Variants in CBX5 observed in about 807,000 individuals in gnomAD.
The protein encoded by CBX5 is chromobox 5, also known as chromobox protein homolog 5.
CBX5 carries 7 observed loss-of-function variants against 20.7 expected under a neutral mutation model. The ratio of observed to expected loss-of-function variants is 0.34; its 90% CI spans 0.19 to 0.63. CBX5 has a LOEUF of 0.63. CBX5 is among the 30% of genes least tolerant of loss of function. CBX5 has a pLI of 0.75. For synonymous variants in CBX5, 78 were observed against 77.0 expected (o/e 1.01, Z -0.07); for missense variants, 110 against 224.1 (o/e 0.49, Z 3.25).
intron 4 of CBX5, among the ~76,000 whole-genome samples, chr12:54,245,276 G>T (rs1467633877): frequency 1.3e-5 from 2 of 151,956 alleles, no homozygotes; most frequent in Non-Finnish European, 2.9e-5. Flanking sequence ...CACCCAAAGT[G>T]TTGGGATTAC....
At chr12:54,276,070 G>A (rs1298360041) in intron 1 of CBX5, among the ~76,000 whole-genome samples, 1 of 150,820 alleles carries the variant, frequency 6.6e-6, no homozygotes. Flanking sequence ...TAAGCATTGT[G>A]AGACTTCACA....
Position 54,251,086 on chromosome 12 carries a change from G to A in CBX5, c.324+955C>T, listed in dbSNP as rs181858968. 4.0e-5 allele frequency among the ~76,000 whole-genome samples: 6 copies of A among 151,814 alleles called. No individual in the cohort carries two copies. In the East Asian group the frequency reaches 5.8e-4, roughly 15 times the overall value. Reference sequence around the variant, plus strand: ...GTGGAAGTTCCAGTGAGCCAAGATCGCACTATTGCACTCAAGCCTGGGTGA... The same window carrying A: ...GTGGAAGTTCCAGTGAGCCAAGATCACACTATTGCACTCAAGCCTGGGTGA... On this transcript the variant is annotated intron_variant, in intron 3 of 4. Coordinates refer to ENST00000209875, the MANE Select transcript of CBX5 (RefSeq NM_012117.3).
At position 54,234,835 on chromosome 12, in the gene CBX5, G is replaced by A. The variant is rs892286830; in HGVS notation, c.*6920C>T. The A allele has an allele frequency of 1.3e-5, 2 of 152,200 alleles. No homozygotes were observed. The highest frequency in any genetic ancestry group is 4.8e-5 in the African/African-American group (2 of 41,430). 9.4% of individuals were successfully genotyped at this position (152,200 alleles called of 1,614,324 possible). On this transcript the variant is annotated 3_prime_UTR_variant, in exon 5 of 5. Transcript: ENST00000209875. ...ATTTCTCTTGACAGAGGAGCAATAT[G>A]AGATGATGTTAGATGAAATGAGGAT...
rs997845081 is a variant in CBX5, at chr12:54,240,566, T to C, written c.*1189A>G. 7.9e-5 allele frequency: 12 copies of C among 151,848 alleles called. No individual in the cohort carries two copies. Among genetic ancestry groups the C allele is most frequent in the Non-Finnish European group, 1.5e-4 (10 of 67,950 alleles). 9.4% of individuals were successfully genotyped at this position (151,848 alleles called of 1,614,324 possible). A position where few individuals can be genotyped will look rare whatever the true frequency, so the allele number is the denominator to read the frequency against. ...TAAAAAATAAGATACAACTATAAGT[T>C]TGAGGGTAGAAAAAGGGAAGAGCAT... On this transcript the variant is annotated 3_prime_UTR_variant, in exon 5 of 5. Coordinates refer to ENST00000209875, the MANE Select transcript of CBX5 (RefSeq NM_012117.3).
chr12:54,244,730 A>G (rs1366176728), intron 4 of CBX5, among the ~76,000 whole-genome samples: 1 of 151,944 alleles, frequency 6.6e-6, no homozygotes, highest in African/African-American at 2.4e-5. Context: ...CTCTGTCTCA[A>G]AAAAAAAGAA....
chr12:54,268,088 G>C (rs545383872), intron 1 of CBX5, among the ~76,000 whole-genome samples: 2 of 152,274 alleles, frequency 1.3e-5, no homozygotes, highest in South Asian at 4.1e-4. Context: ...AGGTTACAGT[G>C]AACCAAGATT....
At position 54,252,040 on chromosome 12, in the gene CBX5, C is replaced by T; in HGVS notation, c.324+1G>A. ...TTGGGGAAAAGGGAAAGGAAGCTTA[C>T]CTCTCTCTTTTTTTTAGATTTGATG... On this transcript the variant is annotated splice_donor_variant, in intron 3 of 4. Coordinates refer to ENST00000209875, the MANE Select transcript of CBX5 (RefSeq NM_012117.3). LOFTEE classifies it high-confidence loss of function. 1 of 1,564,520 alleles carries T rather than the reference C, an allele frequency of 6.4e-7. No individual in the cohort carries two copies. The highest frequency in any genetic ancestry group is 2.3e-5 in the East Asian group (1 of 43,084).
At chr12:54,258,166 T>TTA (rs1284429104) in intron 1 of CBX5, 1 of 152,656 alleles carries the variant, frequency 6.6e-6, no homozygotes, top group Admixed American at 6.5e-5. Context: ...GCCCAGTCTC[T>TTA]TAGCAGCACA....
intron 4 of CBX5, among the ~76,000 whole-genome samples, chr12:54,244,996 A>T (rs1276854380): frequency 1.3e-5 from 2 of 150,898 alleles, no homozygotes; most frequent in East Asian, 1.9e-4. Flanking sequence ...GTCATGTTTT[A>T]TATATATATA....
chr12:54,264,030 G>A (rs1338042307), intron 1 of CBX5, among the ~76,000 whole-genome samples: 1 of 152,136 alleles, frequency 6.6e-6, no homozygotes, highest in Non-Finnish European at 1.5e-5. Context: ...GAGACAGCGT[G>A]AGACTCCGTC....
rs573309237 is a variant in CBX5, at chr12:54,245,241, C to A, written c.425+874G>T. Among the ~76,000 whole-genome samples the A allele has an allele frequency of 2.2e-3, 338 of 152,022 alleles. 4 individuals carry two copies. The highest frequency in any genetic ancestry group is 8.0e-3 in the African/African-American group (333 of 41,520). On this transcript the variant is annotated intron_variant, in intron 4 of 4. Transcript: ENST00000209875. ...AACCAGGCTAGCCTCGAACTCCTGA[C>A]CCCAAGAGATCCGCCTGCCTTGGCC...
chr12:54,256,293 A>T (rs1289674319), intron 2 of CBX5, among the ~76,000 whole-genome samples: 1 of 151,726 alleles, frequency 6.6e-6, no homozygotes, highest in Non-Finnish European at 1.5e-5. Context: ...CTGTGATACC[A>T]CTCCTCTCTA....
intron 2 of CBX5, among the ~76,000 whole-genome samples, chr12:54,253,820 T>C (rs1943833367): frequency 6.8e-6 from 1 of 146,776 alleles, no homozygotes; most frequent in African/African-American, 2.5e-5. Flanking sequence ...TGGAGTGCAG[T>C]GGTGTGATAT....
intron 1 of CBX5, among the ~76,000 whole-genome samples, chr12:54,261,075 C>T (rs1268089837): frequency 6.6e-6 from 1 of 151,434 alleles, no homozygotes; most frequent in Non-Finnish European, 1.5e-5. Context: ...CCTGTAATCC[C>T]AGCTACTTGG....
chr12:54,253,863 C>T (rs1288463885), intron 2 of CBX5, among the ~76,000 whole-genome samples: 1 of 150,954 alleles, frequency 6.6e-6, no homozygotes. Context: ...TGGGTTCAAG[C>T]CATTCTTCGG....
chr12:54,269,239 G>A (rs1298780570), intron 1 of CBX5, among the ~76,000 whole-genome samples: 1 of 152,016 alleles, frequency 6.6e-6, no homozygotes, highest in African/African-American at 2.4e-5. Context: ...CTCCAGCCAG[G>A]GTGACAGAGC....
At chr12:54,246,263 G>A in intron 3 of CBX5, 48 bp from the exon 4 acceptor site, 1 of 1,334,094 alleles carries the variant, frequency 7.5e-7, no homozygotes, top group East Asian at 2.3e-5. Flanking sequence ...AAAGAGTAAA[G>A]AAACTCCCTG....
At chr12:54,271,725 T>C (rs565867545) in intron 1 of CBX5, 5 of 152,372 alleles carry the variant, frequency 3.3e-5, no homozygotes, top group Admixed American at 2.6e-4. Context: ...TATTCATTTA[T>C]TATATAACCT....
rs1307257829 is a variant in CBX5, at chr12:54,238,527, A to G, written c.*3228T>C. 1 of 152,240 alleles carries G rather than the reference A, an allele frequency of 6.6e-6. No individual in the cohort carries two copies. Among genetic ancestry groups the G allele is most frequent in the Non-Finnish European group, 1.5e-5 (1 of 68,048 alleles). 9.4% of individuals were successfully genotyped at this position (152,240 alleles called of 1,614,324 possible). A position where few individuals can be genotyped will look rare whatever the true frequency, so the allele number is the denominator to read the frequency against. On this transcript the variant is annotated 3_prime_UTR_variant, in exon 5 of 5. Coordinates refer to ENST00000209875, the MANE Select transcript of CBX5 (RefSeq NM_012117.3). ...ATCTAAATGAAGATTTAGCTTAGAA[A>G]GCATGAAGATAGTATGTTCCAATTT... is the stretch of plus-strand genomic sequence containing the variant.
Sources: gnomAD v4.1 joint callset for allele counts (sites outside exome capture counted in the v4.1 genomes callset) on GRCh38, gnomAD v4.1.1 for gene constraint, MANE v1.5 for transcripts, NCBI Gene and HGNC (gene_info 2026-07-23, HGNC 2026-07-21) for gene names.